The following GOLGA6B variants were observed in gnomAD, a reference collection of about 807,000 sequenced individuals.
GOLGA6B encodes golgin A6 family member B.
In GOLGA6B, 11 loss-of-function variants were observed where a neutral mutation model predicts 63.0. The observed-to-expected ratio is 0.17, with a 90% CI of 0.11 to 0.29. GOLGA6B has a LOEUF of 0.29. Ranked by LOEUF, GOLGA6B falls within the 10% of genes least tolerant of loss-of-function variation. The probability of loss-of-function intolerance (pLI) is 1.00; values close to 1 mark genes in which losing one functional copy is unlikely to be tolerated. For synonymous variants in GOLGA6B, 46 were observed against 232.6 expected, an observed-to-expected ratio of 0.20 and a Z score of 7.30; for missense variants, 134 against 563.8, an observed-to-expected ratio of 0.24 and a Z score of 7.72.
chr15:72,669,417 A>G lies in GOLGA6B; in HGVS notation c.*3075A>G, dbSNP rs1371581282. On this transcript the variant is annotated 3_prime_UTR_variant, in exon 18 of 18. Transcript: ENST00000421285. ...AACTGGGGGAAGGAAAAGTAGAGAA[A>G]GAAATGCCAATTCCAATGCAAGGCT... Among the ~76,000 whole-genome samples the G allele has an allele frequency of 6.6e-6, 1 of 150,722 alleles. No individual in the cohort carries two copies. The highest frequency in any genetic ancestry group is 2.4e-5 in the African/African-American group (1 of 41,280).
rs1326232874 is a variant in GOLGA6B at position 72,669,552 on chromosome 15, G to A, written c.*3210G>A. On this transcript the variant is annotated 3_prime_UTR_variant, in exon 18 of 18. Coordinates refer to ENST00000421285, the MANE Select transcript of GOLGA6B (RefSeq NM_018652.5). The stretch of plus-strand genomic sequence containing the variant: ...GTTGCCTAAAGTGGCATTGTTGACT[G>A]CTACTGTGATGCTACTGTAATGTAA... 6.6e-6 allele frequency among the ~76,000 whole-genome samples: 1 copy of A among 152,138 alleles called. No homozygotes were observed. Among genetic ancestry groups the A allele is most frequent in the African/African-American group, 2.4e-5 (1 of 41,420 alleles).
rs983826243 is a variant in GOLGA6B at position 72,669,005 on chromosome 15, T to A, written c.*2663T>A. Reference sequence around the variant, plus strand: ...CATTCAGTTTAAGGCAGCTTTCAATTTGCTTAGAAGGCAACATTAGAAGGG... The same window carrying A: ...CATTCAGTTTAAGGCAGCTTTCAATATGCTTAGAAGGCAACATTAGAAGGG... On this transcript the variant is annotated 3_prime_UTR_variant, in exon 18 of 18. Transcript: ENST00000421285. Among the ~76,000 whole-genome samples the A allele has an allele frequency of 2.0e-5, 3 of 151,118 alleles. No individual in the cohort carries two copies. The highest frequency in any genetic ancestry group is 7.3e-5 in the African/African-American group (3 of 41,204).
Position 72,669,028 on chromosome 15 carries a change from G to A in GOLGA6B, c.*2686G>A, listed in dbSNP as rs1293969066. Among the ~76,000 whole-genome samples the A allele has an allele frequency of 4.6e-5, 7 of 150,980 alleles. No individual in the cohort carries two copies. The highest frequency in any genetic ancestry group is 1.7e-4 in the African/African-American group (7 of 41,312). The stretch of plus-strand genomic sequence containing the variant: ...ATTTGCTTAGAAGGCAACATTAGAA[G>A]GGTAGAGTTTAATCAGAAACATAGA... On this transcript the variant is annotated 3_prime_UTR_variant, in exon 18 of 18. Coordinates refer to ENST00000421285, the MANE Select transcript of GOLGA6B (RefSeq NM_018652.5).
intron 2 of GOLGA6B, among the ~76,000 whole-genome samples, chr15:72,657,452 G>A (rs530275748): frequency 6.7e-6 from 1 of 150,150 alleles, no homozygotes; most frequent in Non-Finnish European, 1.5e-5. Context: ...TGGAAGAATG[G>A]CACAGGCCAT....
chr15:72,662,408 A>G lies in GOLGA6B; in HGVS notation c.1004A>G (p.Gln335Arg). ...GCCTTGAGTCTCCTTAGCAAGGAAC[A>G]AAAGCAGAGACTCCAGGAGCAGGAG... ...NQALSLLSKE[Q>R]KQRLQEQEEM... Residue 335 changes from glutamine (Q) to arginine (R), a missense_variant, in exon 11 of 18, where the codon CAA (glutamine) becomes CGA (arginine). By Grantham distance (43) the Gln-to-Arg change is conservative. Transcript: ENST00000421285. The G allele has an allele frequency of 7.2e-7, 1 of 1,397,010 alleles. No homozygotes were observed. The highest frequency in any genetic ancestry group is 2.1e-4 in the Middle Eastern group (1 of 4,688). 86.5% of individuals were successfully genotyped at this position (1,397,010 alleles called of 1,614,324 possible).
At chr15:72,661,019 G>A (rs1255878863) in intron 7 of GOLGA6B, among the ~76,000 whole-genome samples, 1 of 151,488 alleles carries the variant, frequency 6.6e-6, no homozygotes, top group Admixed American at 6.6e-5. Flanking sequence ...TCAAACAGTG[G>A]TAGTAATAAC....
intron 1 of GOLGA6B, among the ~76,000 whole-genome samples, chr15:72,656,191 G>A (rs1241937784): frequency 1.7e-3 from 163 of 95,578 alleles, no homozygotes; most frequent in Middle Eastern, 8.5e-3. Context: ...ACCACACAGC[G>A]TGTAGTTCAT....
chr15:72,661,177 G>A lies in GOLGA6B; in HGVS notation c.565-87G>A, dbSNP rs542770887. ...GGAAATGCCTTGACCTTTACTGACC[G>A]AGTTGTATATTGAGCCTAGCCCTAG... On this transcript the variant is annotated intron_variant, in intron 7 of 17. Transcript: ENST00000421285. The A allele has an allele frequency of 3.5e-3, 5,115 of 1,469,800 alleles. 54 individuals are homozygous for A. The African/African-American group carries it at 0.057, about 17-fold the overall frequency. 91.0% of individuals were successfully genotyped at this position (1,469,800 alleles called of 1,614,324 possible). A position where few individuals can be genotyped will look rare whatever the true frequency, so the allele number is the denominator to read the frequency against.
chr15:72,664,816 A>G (rs377614926), intron 13 of GOLGA6B, 128 bp from the exon 14 acceptor site: 12,689 of 417,102 alleles, frequency 0.03, 29 homozygotes, highest in South Asian at 0.041. Context: ...AAAAATAAAG[A>G]ACAGCAGCTC....
At position 72,662,376 on chromosome 15, in the gene GOLGA6B, C is replaced by G. The variant is rs760091486; in HGVS notation, c.972C>G (p.Asn324Lys). The G allele has an allele frequency of 7.2e-7, 1 of 1,391,710 alleles. No homozygotes were observed. The highest frequency in any genetic ancestry group is 9.7e-7 in the Non-Finnish European group (1 of 1,025,846). 86.2% of individuals were successfully genotyped at this position (1,391,710 alleles called of 1,614,324 possible). ...GAAAGCTCCAATCCCAGGTGGAAAA[C>G]AATCAGGCCTTGAGTCTCCTTAGCA... The part of the protein sequence containing the change: ...LEGKLQSQVE[N>K]NQALSLLSKE... Residue 324 changes from asparagine (N) to lysine (K), a missense_variant, in exon 11 of 18, where the codon AAC (asparagine) becomes AAG (lysine). Coordinates refer to ENST00000421285, the MANE Select transcript of GOLGA6B (RefSeq NM_018652.5).
Position 72,662,461 on chromosome 15 carries a change from A to G in GOLGA6B, c.1057A>G (p.Arg353Gly), listed in dbSNP as rs1393308187. 3 of 1,393,896 alleles carry G rather than the reference A, an allele frequency of 2.2e-6. 1 individual carries two copies. In the Admixed American group the frequency reaches 5.7e-5, roughly 27 times the overall value. The allele number at this position is 1,393,896 out of a possible 1,614,324, so 86.3% of individuals were successfully genotyped here. ...EEMLREQEVQRVREQERLCEQ... is the reference protein window; with the variant it reads ...EEMLREQEVQGVREQERLCEQ... ...GATGCTCCGAGAGCAGGAGGTGCAG[A>G]GAGTGCGGGAGCAGGAGAGACTGTG... Residue 353 changes from arginine (R) to glycine (G), a missense_variant, in exon 11 of 18, where the codon AGA becomes GGA. Transcript: ENST00000421285.
Position 72,664,458 on chromosome 15 carries a change from A to G in GOLGA6B, c.1448A>G (p.Gln483Arg), listed in dbSNP as rs748732300. Reference protein sequence around the residue: ...LDEEHLEAASQQNQQLETQLS... With the variant: ...LDEEHLEAASRQNQQLETQLS... Reference sequence around the variant, plus strand: ...TAGGAGCACCTAGAAGCTGCCAGCCAGCAGAACCAACAGCTAGAGACCCAG... The same window carrying G: ...TAGGAGCACCTAGAAGCTGCCAGCCGGCAGAACCAACAGCTAGAGACCCAG... The change falls in exon 13 of 18, where the codon CAG (glutamine) becomes CGG (arginine). Residue 483 changes from glutamine (Q) to arginine (R), a missense_variant. Transcript: ENST00000421285. The G allele has an allele frequency of 2.2e-5, 29 of 1,331,430 alleles. 3 individuals are homozygous for G. The highest frequency in any genetic ancestry group is 2.9e-5 in the Non-Finnish European group (28 of 970,450). The allele number at this position is 1,331,430 out of a possible 1,614,324, so 82.5% of individuals were successfully genotyped here.
intron 3 of GOLGA6B, among the ~76,000 whole-genome samples, chr15:72,659,212 AG>A (rs1279156450): frequency 3.0e-4 from 45 of 150,004 alleles, no homozygotes; most frequent in African/African-American, 1.1e-3. Flanking sequence ...AGCTGGCAGA[AG>A]GGTGGGCCTT....
rs527464064 is a variant in GOLGA6B at position 72,664,539 on chromosome 15, A to G, written c.1501+28A>G. 7.8e-5 allele frequency: 102 copies of G among 1,300,962 alleles called. 30 individuals carry two copies. Among genetic ancestry groups the G allele is most frequent in the Non-Finnish European group, 1.0e-4 (97 of 949,376 alleles). 80.6% of individuals were successfully genotyped at this position (1,300,962 alleles called of 1,614,324 possible). ...ACAGGAGACCACTCAGAGGAAGAGG[A>G]GAGAGCCCCAGGAGGAAGGGGGGAC... On this transcript the variant is annotated intron_variant, in intron 13 of 17. Coordinates refer to ENST00000421285, the MANE Select transcript of GOLGA6B (RefSeq NM_018652.5).
rs1162557210 is a variant in GOLGA6B, at chr15:72,669,185, GAAAACAAGTC to G, written c.*2845_*2854del. Reference sequence around the variant, plus strand: ...TTAACCTGATGGGTTTTCCAGAAATGAAAACAAGTCAGTTCTAAAACCAAAGCTGATATTT... The same window carrying G: ...TTAACCTGATGGGTTTTCCAGAAATGAGTTCTAAAACCAAAGCTGATATTT... On this transcript the variant is annotated 3_prime_UTR_variant, in exon 18 of 18. Transcript: ENST00000421285. 6.6e-6 allele frequency among the ~76,000 whole-genome samples: 1 copy of G among 152,164 alleles called. No individual in the cohort carries two copies. The highest frequency in any genetic ancestry group is 1.5e-5 in the Non-Finnish European group (1 of 68,018).
intron 14 of GOLGA6B, among the ~76,000 whole-genome samples, chr15:72,665,263 C>A (rs111987277): frequency 9.1e-6 from 1 of 109,796 alleles, no homozygotes; most frequent in Non-Finnish European, 1.7e-5. Flanking sequence ...TATGCCCCTA[C>A]AAGAATACTC....
chr15:72,665,358 G>A (rs2064631672), intron 14 of GOLGA6B, among the ~76,000 whole-genome samples: 1 of 37,740 alleles, frequency 2.6e-5, no homozygotes, highest in African/African-American at 1.2e-4. Flanking sequence ...GCAGCGGAAG[G>A]TGTGAAGGCT....
intron 12 of GOLGA6B, 87 bp from the exon 13 acceptor site, chr15:72,664,349 C>G: frequency 7.9e-7 from 1 of 1,259,228 alleles, no homozygotes; most frequent in Non-Finnish European, 1.1e-6. Context: ...GCAGGAGACC[C>G]AGGGGAGGCA....
chr15:72,664,375 G>A lies in GOLGA6B; in HGVS notation c.1426-61G>A. On this transcript the variant is annotated intron_variant, in intron 12 of 17. Transcript: ENST00000421285. Reference sequence around the variant, plus strand: ...AGGGGAGGCAGTTGCTGAGGACGGGGCCCCGAGGGGGATGACCTGGCAACC... The same window carrying A: ...AGGGGAGGCAGTTGCTGAGGACGGGACCCCGAGGGGGATGACCTGGCAACC... 8.4e-6 allele frequency: 11 copies of A among 1,302,260 alleles called. 1 individual carries two copies. The highest frequency in any genetic ancestry group is 1.1e-5 in the Non-Finnish European group (10 of 951,314). 80.7% of individuals were successfully genotyped at this position (1,302,260 alleles called of 1,614,324 possible).
Sources: allele counts gnomAD v4.1 joint callset (sites outside exome capture counted in the v4.1 genomes callset), GRCh38; gene constraint gnomAD v4.1.1; transcripts MANE v1.5; gene names NCBI Gene and HGNC (gene_info 2026-07-23, HGNC 2026-07-21).